Variants in FNBP4 observed in about 807,000 individuals in gnomAD.
The protein encoded by FNBP4 is formin binding protein 4.
FNBP4 carries 34 observed loss-of-function variants against 119.3 expected under a neutral mutation model. That is an observed-to-expected ratio of 0.28 (90% confidence interval 0.22 to 0.38). The LOEUF (loss-of-function observed/expected upper bound fraction) is 0.38. Among genes scored for constraint, FNBP4 ranks in the 10% least tolerant of loss-of-function variants. FNBP4 has a pLI of 1.00. For missense variants in FNBP4, 1,112 were observed against 1,228.9 expected (o/e 0.90, Z 1.42); for synonymous variants, 462 against 430.6 (o/e 1.07, Z -0.90).
Position 47,744,112 on chromosome 11 carries a change from G to T in FNBP4, c.1297C>A (p.Pro433Thr), listed in dbSNP as rs1280453901. The T allele has an allele frequency of 6.2e-7, 1 of 1,613,944 alleles. No individual in the cohort carries two copies. The highest frequency in any genetic ancestry group is 1.3e-5 in the African/African-American group (1 of 74,894). ...GCTGGCTGGCTGATATCAGAACGTG[G>T]ACTAGACCCTGACACACTACCATCT... ...EGDGSVSGSS[P>T]RSDISQPASQ... The change falls in exon 8 of 17, where the codon CCA becomes ACA. Residue 433 changes from proline to threonine, a missense_variant. By Grantham distance (38) the Pro-to-Thr change is conservative (BLOSUM62 -1). Transcript: ENST00000263773.
chr11:47,729,091 A>T, intron 12 of FNBP4: 1 of 879,996 alleles, frequency 1.1e-6, no homozygotes, highest in Non-Finnish European at 1.4e-6. Flanking sequence ...ACCTCAGGTG[A>T]TCCACCCGCC....
In FNBP4 at chr11:47,719,968, T is replaced by C; in HGVS notation, c.2924A>G (p.Gln975Arg). The C allele has an allele frequency of 2.5e-6, 4 of 1,614,078 alleles. No individual in the cohort carries two copies. The highest frequency in any genetic ancestry group is 3.4e-6 in the Non-Finnish European group (4 of 1,179,952). The change falls in exon 16 of 17, where the codon CAG becomes CGG. Residue 975 changes from glutamine (Q) to arginine (R), a missense_variant. Gln to Arg is a conservative substitution (Grantham distance 43). Coordinates refer to ENST00000263773, the MANE Select transcript of FNBP4 (RefSeq NM_015308.5). Reference sequence around the variant, plus strand: ...CTGTTTCCACTCTTCAATTCGCTTCTGTGCAGTTGATTCCCGATCCTCTTC... The same window carrying C: ...CTGTTTCCACTCTTCAATTCGCTTCCGTGCAGTTGATTCCCGATCCTCTTC... ...SSEEDRESTA[Q>R]KRIEEWKQQQ... is the part of the protein sequence containing the mutation.
chr11:47,720,757 C>A (rs1456335236), intron 15 of FNBP4, among the ~76,000 whole-genome samples: 2 of 142,896 alleles, frequency 1.4e-5, no homozygotes, highest in Non-Finnish European at 3.0e-5. Flanking sequence ...GTGTTCCTCC[C>A]AAGTGATTTA....
At chr11:47,735,528 T>C (rs1352214632) in intron 9 of FNBP4, among the ~76,000 whole-genome samples, 2 of 152,210 alleles carry the variant, frequency 1.3e-5, no homozygotes, top group African/African-American at 4.8e-5. Flanking sequence ...GACAAGTATT[T>C]CACACAGGAA....
rs2097559080 is a variant in FNBP4 at position 47,724,624 on chromosome 11, T to C, written c.2163A>G (p.Ser721=). The C allele has an allele frequency of 1.2e-6, 2 of 1,613,208 alleles. No individual in the cohort carries two copies. Among genetic ancestry groups the C allele is most frequent in the African/African-American group, 2.7e-5 (2 of 74,628 alleles). ...MPPPPPPPPE[S]PPPPPPPPPP... Reference sequence around the variant, plus strand: ...GAGGTGGTGGAGGAGGGGGTGGAGGTGATTCTGGAGGTGGAGGTGGGGGTG... The same window carrying C: ...GAGGTGGTGGAGGAGGGGGTGGAGGCGATTCTGGAGGTGGAGGTGGGGGTG... The change falls in exon 13 of 17, where the codon TCA becomes TCG. Residue 721 remains serine, a synonymous_variant. Transcript: ENST00000263773.
chr11:47,750,745 G>A (rs1480577109), intron 6 of FNBP4, among the ~76,000 whole-genome samples, 171 bp downstream of exon 6: 1 of 143,314 alleles, frequency 7.0e-6, no homozygotes, highest in Non-Finnish European at 1.5e-5. Context: ...AAAGTCAAGT[G>A]AGTAACCGCT....
chr11:47,761,051 C>T lies in FNBP4; in HGVS notation c.313+4219G>A, dbSNP rs148576910. Among the ~76,000 whole-genome samples, 809 of 152,202 alleles carry T rather than the reference C, an allele frequency of 5.3e-3. 9 individuals carry two copies. Among genetic ancestry groups the T allele is most frequent in the African/African-American group, 0.018 (728 of 41,522 alleles). Reference sequence around the variant, plus strand: ...CACTCAAATGCTCTCAAACAGTGGACTGGCAAAGCAAATCATAGGACATAC... The same window carrying T: ...CACTCAAATGCTCTCAAACAGTGGATTGGCAAAGCAAATCATAGGACATAC... On this transcript the variant is annotated intron_variant, in intron 2 of 16. Coordinates refer to ENST00000263773, the MANE Select transcript of FNBP4 (RefSeq NM_015308.5).
chr11:47,728,283 C>A (rs2097563421), intron 12 of FNBP4, among the ~76,000 whole-genome samples: 1 of 151,838 alleles, frequency 6.6e-6, no homozygotes, highest in Non-Finnish European at 1.5e-5. Context: ...AGTCTTTAAG[C>A]CTGTTGCCCA....
rs777215176 is a variant in FNBP4 at position 47,750,973 on chromosome 11, C to A, written c.849G>T (p.Thr283=). The A allele has an allele frequency of 2.5e-6, 4 of 1,613,842 alleles. No individual in the cohort carries two copies. Among genetic ancestry groups the A allele is most frequent in the Non-Finnish European group, 3.4e-6 (4 of 1,179,964 alleles). ...VNTDIYSKEK[T]ISVSSSKSGP... The stretch of plus-strand genomic sequence containing the variant: ...CACTTTTACTACTGGAAACAGAAAT[C>A]GTTTTCTCCTTAGAATATATGTCTG... Residue 283 remains threonine, a synonymous_variant, in exon 6 of 17, where the codon ACG becomes ACT. Transcript: ENST00000263773.
chr11:47,722,141 A>G (rs1273994621), intron 15 of FNBP4, among the ~76,000 whole-genome samples: 1 of 130,256 alleles, frequency 7.7e-6, no homozygotes, highest in East Asian at 2.3e-4. Context: ...ACAAAAGCAG[A>G]GGGTTTTTTT....
chr11:47,746,696 A>G (rs2097591048), intron 6 of FNBP4, among the ~76,000 whole-genome samples: 1 of 151,920 alleles, frequency 6.6e-6, no homozygotes, highest in Admixed American at 6.6e-5. Flanking sequence ...TTGTATTTTT[A>G]GTAGAGGCCT....
intron 8 of FNBP4, among the ~76,000 whole-genome samples, chr11:47,738,392 T>G (rs2097577086): frequency 6.6e-6 from 1 of 151,946 alleles, no homozygotes; most frequent in African/African-American, 2.4e-5. Context: ...GGTGAAACCC[T>G]GCCTCTACTA....
chr11:47,728,042 A>G (rs2097563147), intron 12 of FNBP4, among the ~76,000 whole-genome samples: 2 of 149,512 alleles, frequency 1.3e-5, no homozygotes, highest in Non-Finnish European at 3.0e-5. Flanking sequence ...ACGCCTGGCT[A>G]ATTTTGTATT....
Position 47,756,694 on chromosome 11 carries a change from C to A in FNBP4, c.314-2030G>T, listed in dbSNP as rs193036067. ...ATTTCTCTTAATGCTATCCCTCCCCCACCCCCGACCCCATGACAGGCCCCG... is the reference window on the plus strand; with the variant it reads ...ATTTCTCTTAATGCTATCCCTCCCCAACCCCCGACCCCATGACAGGCCCCG... On this transcript the variant is annotated intron_variant, in intron 2 of 16. Transcript: ENST00000263773. 2.3e-4 allele frequency among the ~76,000 whole-genome samples: 34 copies of A among 149,598 alleles called. 1 individual carries two copies. The East Asian group carries it at 6.4e-3, about 28-fold the overall frequency.
intron 8 of FNBP4, among the ~76,000 whole-genome samples, chr11:47,742,420 G>A (rs2097583322): frequency 8.2e-6 from 1 of 121,368 alleles, no homozygotes. Flanking sequence ...GGAGGTTCCA[G>A]TGAGCAGAGA....
In FNBP4 at chr11:47,767,233, G is replaced by GGAGA; in HGVS notation, c.52_55dup (p.Pro19LeufsTer21). 6.4e-7 allele frequency: 1 copy of GGAGA among 1,570,184 alleles called. No homozygotes were observed. Among genetic ancestry groups the GGAGA allele is most frequent in the Non-Finnish European group, 8.6e-7 (1 of 1,165,152 alleles). ...CGGCGTGCTGCCCCGAGGACCCGGC[G>GGAGA]GAGAGAGTTGCAGGATGGGCCTACG... is the stretch of plus-strand genomic sequence containing the variant. On this transcript the variant is annotated frameshift_variant, in exon 1 of 17. Coordinates refer to ENST00000263773, the MANE Select transcript of FNBP4 (RefSeq NM_015308.5). LOFTEE classifies it high-confidence loss of function.
chr11:47,735,657 C>T (rs1009534046), intron 9 of FNBP4, among the ~76,000 whole-genome samples: 2 of 152,180 alleles, frequency 1.3e-5, no homozygotes, highest in Admixed American at 6.6e-5. Flanking sequence ...TTCTCAGTAT[C>T]AAGTCAGCCT....
rs1459820814 is a variant in FNBP4, at chr11:47,723,305, C to T, written c.2476G>A (p.Ala826Thr). 2 of 1,608,460 alleles carry T rather than the reference C, an allele frequency of 1.2e-6. No homozygotes were observed. Among genetic ancestry groups the T allele is most frequent in the Admixed American group, 1.7e-5 (1 of 59,776 alleles). The change falls in exon 15 of 17, where the codon GCA becomes ACA. Residue 826 changes from alanine to threonine, a missense_variant. Ala to Thr is a moderately conservative substitution (Grantham distance 58, BLOSUM62 0). This residue lies in a region of FNBP4 where 826 missense variants were observed against 988.8 expected (regional missense o/e 0.84). Coordinates refer to ENST00000263773, the MANE Select transcript of FNBP4 (RefSeq NM_015308.5). ...QSAIATGHQA[A>T]GIGNQATGIG... Reference sequence around the variant, plus strand: ...CCTGTTGCCTGGTTTCCAATCCCTGCTGCCTGGTGACCTAACACAGAAAAC... The same window carrying T: ...CCTGTTGCCTGGTTTCCAATCCCTGTTGCCTGGTGACCTAACACAGAAAAC...
At chr11:47,765,176 T>C in intron 2 of FNBP4, 94 bp downstream of exon 2, 1 of 774,978 alleles carries the variant, frequency 1.3e-6, no homozygotes, top group Non-Finnish European at 2.2e-6. Context: ...TTAGCAACAC[T>C]AAAGCATTCA....
Sources: allele counts gnomAD v4.1 joint callset (sites outside exome capture counted in the v4.1 genomes callset), GRCh38; gene constraint gnomAD v4.1.1; regional missense constraint gnomAD v4.1.1; transcripts MANE v1.5; gene names NCBI Gene and HGNC (gene_info 2026-07-23, HGNC 2026-07-21).